The following C1orf21 variants were observed in gnomAD, a reference collection of about 807,000 sequenced individuals.
C1orf21 encodes the protein chromosome 1 open reading frame 21, also known as uncharacterized protein C1orf21.
A neutral mutation model predicts 18.7 loss-of-function variants in C1orf21; 3 were observed. That is an observed-to-expected ratio of 0.16 (90% CI 0.07 to 0.42). C1orf21 has a LOEUF of 0.42. Among genes scored for constraint, C1orf21 ranks in the 10% least tolerant of loss-of-function variants. The pLI, the probability that C1orf21 is intolerant of heterozygous loss-of-function variation, is 0.99. For synonymous variants in C1orf21, 41 were observed against 46.4 expected (o/e 0.88, Z 0.47); for missense variants, 104 against 143.6 (o/e 0.72, Z 1.41).
At chr1:184,611,001 C>T (rs1659728169) in intron 5 of C1orf21, among the ~76,000 whole-genome samples, 1 of 152,104 alleles carries the variant, frequency 6.6e-6, no homozygotes, top group Admixed American at 6.5e-5. Context: ...GGATTGTTGT[C>T]ACTGCTGTTA....
At chr1:184,483,634 G>T (rs767141515) in intron 2 of C1orf21, among the ~76,000 whole-genome samples, 2 of 152,132 alleles carry the variant, frequency 1.3e-5, no homozygotes, top group African/African-American at 4.8e-5. Flanking sequence ...AGTTTAGGCT[G>T]TGACAGCCCA....
At chr1:184,417,898 A>G (rs1656480319) in intron 1 of C1orf21, among the ~76,000 whole-genome samples, 1 of 152,208 alleles carries the variant, frequency 6.6e-6, no homozygotes, top group South Asian at 2.1e-4. Flanking sequence ...GGGATGGGGT[A>G]TCGCTGCATG....
intron 1 of C1orf21, among the ~76,000 whole-genome samples, chr1:184,469,140 C>T (rs1657452976): frequency 6.6e-6 from 1 of 151,994 alleles, no homozygotes; most frequent in Non-Finnish European, 1.5e-5. Flanking sequence ...GTCCCAGCTA[C>T]TCAGGAGGCT....
At chr1:184,523,824 C>G (rs894758242) in intron 3 of C1orf21, among the ~76,000 whole-genome samples, 1 of 152,162 alleles carries the variant, frequency 6.6e-6, no homozygotes, top group Admixed American at 6.5e-5. Flanking sequence ...TTAACTAATA[C>G]TTTAATGAAC....
chr1:184,478,189 G>A (rs1441765039), intron 2 of C1orf21, among the ~76,000 whole-genome samples: 1 of 152,128 alleles, frequency 6.6e-6, no homozygotes, highest in Non-Finnish European at 1.5e-5. Flanking sequence ...AGTCCAAAAG[G>A]GGAGTGAGTG....
intron 3 of C1orf21, among the ~76,000 whole-genome samples, chr1:184,585,284 C>T (rs886652091): frequency 2.6e-5 from 4 of 152,248 alleles, no homozygotes; most frequent in South Asian, 4.1e-4. Context: ...TTGACATATG[C>T]ACTGATGCTG....
chr1:184,583,392 C>G lies in C1orf21; in HGVS notation c.190-7347C>G, dbSNP rs115547249. Reference sequence around the variant, plus strand: ...ATTTGTTGTTTAAATAAATCTGTCACTACCTGACAGTAGTAGTGCAAACAT... The same window carrying G: ...ATTTGTTGTTTAAATAAATCTGTCAGTACCTGACAGTAGTAGTGCAAACAT... On this transcript the variant is annotated intron_variant, in intron 3 of 5. Transcript: ENST00000235307. Among the ~76,000 whole-genome samples the G allele has an allele frequency of 6.2e-3, 949 of 152,300 alleles. 8 individuals are homozygous for G. Among genetic ancestry groups the G allele is most frequent in the African/African-American group, 0.022 (907 of 41,552 alleles).
Position 184,387,974 on chromosome 1 carries a change from C to T in C1orf21, c.-125+606C>T, listed in dbSNP as rs922605196. On this transcript the variant is annotated intron_variant, in intron 1 of 5. Transcript: ENST00000235307. The surrounding 1 kb of genome is among the most constrained non-coding windows in gnomAD (Gnocchi z 5.6). The stretch of plus-strand genomic sequence containing the variant: ...ACCTCGGTGTATTTATTATTCGTGC[C>T]CATGCGAGGCAGCCAGAGGGTGCTT... Among the ~76,000 whole-genome samples the T allele has an allele frequency of 6.6e-6, 1 of 151,998 alleles. No homozygotes were observed. Among genetic ancestry groups the T allele is most frequent in the African/African-American group, 2.4e-5 (1 of 41,368 alleles).
intron 1 of C1orf21, among the ~76,000 whole-genome samples, chr1:184,419,374 A>G (rs1414971463): frequency 6.6e-6 from 1 of 152,228 alleles, no homozygotes; most frequent in Non-Finnish European, 1.5e-5. Flanking sequence ...TTTGTGGGGA[A>G]GATAACCCAT....
intron 3 of C1orf21, among the ~76,000 whole-genome samples, chr1:184,530,870 G>T (rs1472543952): frequency 6.6e-6 from 1 of 151,830 alleles, no homozygotes. Context: ...CTGGTATTTG[G>T]GGCAACAGTC....
At chr1:184,503,519 TC>T (rs1468744471) in intron 2 of C1orf21, among the ~76,000 whole-genome samples, 2 of 152,058 alleles carry the variant, frequency 1.3e-5, no homozygotes, top group Non-Finnish European at 2.9e-5. Context: ...CTCCTCTACA[TC>T]CCTGCATCGC....
At chr1:184,544,900 C>T (rs760374725) in intron 3 of C1orf21, among the ~76,000 whole-genome samples, 4 of 152,136 alleles carry the variant, frequency 2.6e-5, no homozygotes, top group South Asian at 2.1e-4. Context: ...CTGGACCTTC[C>T]GTGGGTGGCC....
chr1:184,502,501 CT>C (rs555448341), intron 2 of C1orf21, among the ~76,000 whole-genome samples: 12 of 148,060 alleles, frequency 8.1e-5, no homozygotes, highest in African/African-American at 1.5e-4. Flanking sequence ...CTTTTCATTT[CT>C]TTTTTTTTTC....
chr1:184,487,778 C>A (rs1353708868), intron 2 of C1orf21, among the ~76,000 whole-genome samples: 1 of 152,194 alleles, frequency 6.6e-6, no homozygotes, highest in Non-Finnish European at 1.5e-5. Flanking sequence ...GTAGTCTTGG[C>A]AAATTTTTGA....
At chr1:184,477,254 C>T (rs1217233258) in intron 1 of C1orf21, 132 bp from the exon 2 acceptor site, 1 of 380,596 alleles carries the variant, frequency 2.6e-6, no homozygotes, top group Non-Finnish European at 4.7e-6. Flanking sequence ...TCTGTGCCCA[C>T]CACAACACCA....
intron 2 of C1orf21, among the ~76,000 whole-genome samples, chr1:184,504,459 C>A (rs978283424): frequency 1.3e-5 from 2 of 152,140 alleles, no homozygotes; most frequent in Non-Finnish European, 2.9e-5. Flanking sequence ...AAAAGGAAAA[C>A]TGGATTTTGG....
chr1:184,534,602 ATTC>A lies in C1orf21; in HGVS notation c.189+26923_189+26925del, dbSNP rs1188239996. On this transcript the variant is annotated intron_variant, in intron 3 of 5. Coordinates refer to ENST00000235307, the MANE Select transcript of C1orf21 (RefSeq NM_030806.4). ...AGTGATTTAAGCTGTGTACTTTCTG[ATTC>A]TTTTTTCTTTTATTCTCTTAGTCAT... Among the ~76,000 whole-genome samples the A allele has an allele frequency of 5.3e-5, 8 of 152,006 alleles. No individual in the cohort carries two copies. In the East Asian group the frequency reaches 1.4e-3, roughly 26 times the overall value.
At chr1:184,568,515 A>G in intron 3 of C1orf21, 1 of 454,946 alleles carries the variant, frequency 2.2e-6, no homozygotes, top group Non-Finnish European at 4.5e-6. Context: ...AATATTTGAT[A>G]TTTATTGGCA....
At chr1:184,565,922 A>G (rs936664761) in intron 3 of C1orf21, among the ~76,000 whole-genome samples, 9 of 152,280 alleles carry the variant, frequency 5.9e-5, no homozygotes, top group Admixed American at 3.3e-4. Context: ...TTTCTGTTTA[A>G]TGTTGATTTT....
Sources: gnomAD v4.1 joint callset for allele counts (sites outside exome capture counted in the v4.1 genomes callset) on GRCh38, gnomAD v4.1.1 for gene constraint, Gnocchi (gnomAD v3.1) non-coding constraint, MANE v1.5 for transcripts, NCBI Gene and HGNC (gene_info 2026-07-23, HGNC 2026-07-21) for gene names.